Variants in SRPRB observed in about 807,000 individuals in gnomAD.
SRPRB encodes signal recognition particle receptor subunit beta.
SRPRB carries 20 observed loss-of-function variants against 31.9 expected under a neutral mutation model. The ratio of observed to expected loss-of-function variants is 0.63; its 90% CI spans 0.44 to 0.91. The LOEUF (loss-of-function observed/expected upper bound fraction) is 0.91, where lower values mean the gene tolerates loss of function less well. Among genes scored for constraint, SRPRB ranks in the 40% least tolerant of loss-of-function variants. The probability of loss-of-function intolerance (pLI) is 0.00; values close to 1 mark genes in which losing one functional copy is unlikely to be tolerated. For synonymous variants in SRPRB, 146 were observed against 132.8 expected (o/e 1.10, Z -0.68); for missense variants, 321 against 324.9 (o/e 0.99, Z 0.09).
downstream of SRPRB, among the ~76,000 whole-genome samples, chr3:133,822,090 T>C (rs1935483260): frequency 6.6e-6 from 1 of 152,070 alleles, no homozygotes; most frequent in Non-Finnish European, 1.5e-5. Flanking sequence ...CTGAGGGCAT[T>C]TGACTAAAGT....
chr3:133,810,603 G>A (rs1352850480), intron 3 of SRPRB: 3 of 147,944 alleles, frequency 2.0e-5, no homozygotes, highest in Admixed American at 1.3e-4. Context: ...TTAGATTAAG[G>A]GTGGAAATGA....
At chr3:133,817,686 T>G (rs1935390601) in intron 6 of SRPRB, among the ~76,000 whole-genome samples, 1 of 152,172 alleles carries the variant, frequency 6.6e-6, no homozygotes, top group Non-Finnish European at 1.5e-5. Flanking sequence ...TTGAAAAGGA[T>G]CTGATGAGGA....
chr3:133,819,697 G>A lies in SRPRB; in HGVS notation c.747G>A (p.Lys249=), dbSNP rs1474321765. ...TGGAGTTCCTGGAGTGCAGTGCCAA[G>A]GGTGGAAGAGGGGACGTGGGCTCTG... ...LKVEFLECSA[K]GGRGDVGSAD... The change falls in exon 7 of 7, where the codon AAG becomes AAA. Residue 249 remains lysine (K), a synonymous_variant. Coordinates refer to ENST00000678299, the MANE Select transcript of SRPRB (RefSeq NM_001379313.1). The A allele has an allele frequency of 6.2e-7, 1 of 1,614,162 alleles. No individual in the cohort carries two copies. The highest frequency in any genetic ancestry group is 1.7e-5 in the Admixed American group (1 of 60,016).
At chr3:133,799,592 C>G (rs1037751253) in intron 1 of SRPRB, among the ~76,000 whole-genome samples, 2 of 151,708 alleles carry the variant, frequency 1.3e-5, no homozygotes, top group East Asian at 3.8e-4. Context: ...AGATCTATTA[C>G]CTCAATTACT....
chr3:133,805,810 AC>A (rs1426561313), upstream of SRPRB: 1 of 1,577,892 alleles, frequency 6.3e-7, no homozygotes, highest in Non-Finnish European at 8.6e-7. Flanking sequence ...GTGCAGGGCC[AC>A]GTCGCTTTTG....
chr3:133,799,156 G>A (rs1236355353), intron 1 of SRPRB, among the ~76,000 whole-genome samples: 1 of 152,156 alleles, frequency 6.6e-6, no homozygotes, highest in Non-Finnish European at 1.5e-5. Context: ...TCTCTAGAGG[G>A]ATGTTTCGCC....
intron 6 of SRPRB, among the ~76,000 whole-genome samples, chr3:133,817,347 G>C (rs1232297954): frequency 6.6e-6 from 1 of 152,118 alleles, no homozygotes; most frequent in Admixed American, 6.5e-5. Context: ...AATAAAAACT[G>C]AGAATCAGGA....
intron 5 of SRPRB, 35 bp from the exon 6 acceptor site, chr3:133,816,843 G>A (rs566243586): frequency 2.0e-5 from 31 of 1,564,452 alleles, no homozygotes; most frequent in East Asian, 9.2e-5. Context: ...ACTCATTCTC[G>A]TTTAAACTAC....
At chr3:133,815,503 A>C in intron 4 of SRPRB, 87 bp from the exon 5 acceptor site, 1 of 1,517,988 alleles carries the variant, frequency 6.6e-7, no homozygotes, top group Admixed American at 1.7e-5. Flanking sequence ...ACCAAGATTG[A>C]CTTTGAAGAA....
At chr3:133,811,503 A>C (rs1312650080) in intron 4 of SRPRB, among the ~76,000 whole-genome samples, 1 of 152,218 alleles carries the variant, frequency 6.6e-6, no homozygotes, top group Non-Finnish European at 1.5e-5. Flanking sequence ...TATGACTATT[A>C]AAATCTGAAA....
intron 1 of SRPRB, chr3:133,788,817 C>G (rs1452782938): frequency 6.6e-6 from 1 of 152,218 alleles, no homozygotes; most frequent in Non-Finnish European, 1.5e-5. Flanking sequence ...TCAGGGTGAA[C>G]TTGCATGTGT....
Position 133,819,878 on chromosome 3 carries a change from C to A in SRPRB, c.*112C>A. ...GTACAAGATGTGGTTAGAAACATTT[C>A]TTTGTTCTGGAAACAAAGTACTGTT... On this transcript the variant is annotated 3_prime_UTR_variant, in exon 7 of 7. Coordinates refer to ENST00000678299, the MANE Select transcript of SRPRB (RefSeq NM_001379313.1). The A allele has an allele frequency of 1.0e-4, 90 of 881,334 alleles. No individual in the cohort carries two copies. Among genetic ancestry groups the A allele is most frequent in the Middle Eastern group, 3.5e-4 (1 of 2,892 alleles). The allele number at this position is 881,334 out of a possible 1,614,324, so 54.6% of individuals were successfully genotyped here.
chr3:133,810,406 A>G (rs1235971100), intron 3 of SRPRB: 1 of 152,226 alleles, frequency 6.6e-6, no homozygotes, highest in Admixed American at 6.5e-5. Context: ...CCACGTTTAC[A>G]CTGAATATAA....
chr3:133,790,382 A>G (rs1015255555), intron 1 of SRPRB: 1 of 152,238 alleles, frequency 6.6e-6, no homozygotes, highest in African/African-American at 2.4e-5. Context: ...TATACAAAAC[A>G]TGCCAGAAAG....
intron 1 of SRPRB, chr3:133,789,895 T>G (rs1377295748): frequency 3.5e-4 from 52 of 148,424 alleles, no homozygotes; most frequent in African/African-American, 1.2e-3. Context: ...TTTTTTTTTT[T>G]TTTTTTTTTT....
upstream of SRPRB, among the ~76,000 whole-genome samples, chr3:133,804,989 C>T (rs1283717119): frequency 6.6e-6 from 1 of 152,186 alleles, no homozygotes; most frequent in Non-Finnish European, 1.5e-5. Flanking sequence ...CAATTACCTA[C>T]AGAAAATTTC....
In SRPRB at chr3:133,811,170, G is replaced by C; in HGVS notation, c.381G>C (p.Gln127His). 1.2e-6 allele frequency: 2 copies of C among 1,614,200 alleles called. No homozygotes were observed. The highest frequency in any genetic ancestry group is 1.7e-6 in the Non-Finnish European group (2 of 1,180,034). Residue 127 changes from glutamine to histidine, a missense_variant, in exon 4 of 7, where the codon CAG becomes CAC. By Grantham distance (24) the Gln-to-His change is conservative. Coordinates refer to ENST00000678299, the MANE Select transcript of SRPRB (RefSeq NM_001379313.1). ...DLPGHESLRL[Q>H]FLERFKSSAR... The stretch of plus-strand genomic sequence containing the variant: ...CCGGCCATGAGAGTTTGAGGCTTCA[G>C]TTCTTAGAGCGGTTTAAGTCTTCAG...
chr3:133,793,585 A>G (rs552587319), intron 1 of SRPRB: 7 of 152,178 alleles, frequency 4.6e-5, no homozygotes, highest in Non-Finnish European at 8.8e-5. Context: ...TAAAATTCCA[A>G]TATGTCTGAG....
downstream of SRPRB, chr3:133,827,906 TG>T (rs1383657155): frequency 1.4e-6 from 1 of 702,896 alleles, no homozygotes; most frequent in South Asian, 1.5e-5. Context: ...CTGGGTGGGC[TG>T]GTTAAAATAT....
Sources: gnomAD v4.1 joint callset for allele counts (sites outside exome capture counted in the v4.1 genomes callset) on GRCh38, gnomAD v4.1.1 for gene constraint, MANE v1.5 for transcripts, NCBI Gene and HGNC (gene_info 2026-07-23, HGNC 2026-07-21) for gene names.